Variants in COMMD10 observed in about 807,000 individuals in gnomAD.
The protein encoded by COMMD10 is COMM domain containing 10.
COMMD10 carries 33 observed loss-of-function variants against 28.9 expected under a neutral mutation model. The observed-to-expected ratio is 1.14, with a 90% CI of 0.87 to 1.53. The LOEUF is 1.53. Among genes scored for constraint, COMMD10 ranks in the 40% most tolerant of loss-of-function variants. The pLI is 0.00. For synonymous variants in COMMD10, 110 were observed against 81.7 expected (o/e 1.35, Z -1.87); for missense variants, 310 against 233.4 (o/e 1.33, Z -2.14).
chr5:116,212,515 T>TGG (rs1748993146), intron 5 of COMMD10, among the ~76,000 whole-genome samples: 1 of 148,888 alleles, frequency 6.7e-6, no homozygotes, highest in Non-Finnish European at 1.5e-5. Flanking sequence ...TGTGTGTGTG[T>TGG]GTGTGTGTAG....
chr5:116,236,504 CAAAA>C (rs34066036), intron 5 of COMMD10, among the ~76,000 whole-genome samples: 4 of 79,612 alleles, frequency 5.0e-5, no homozygotes, highest in Non-Finnish European at 2.6e-5. Flanking sequence ...GACTCCGTCT[CAAAA>C]AAAAAAAAAA....
chr5:116,216,337 C>T (rs1252988018), intron 5 of COMMD10, among the ~76,000 whole-genome samples: 1 of 152,118 alleles, frequency 6.6e-6, no homozygotes, highest in African/African-American at 2.4e-5. Flanking sequence ...AGCATGTATA[C>T]AGTACTTATA....
At chr5:116,190,851 A>T (rs1748346465) in intron 5 of COMMD10, among the ~76,000 whole-genome samples, 1 of 152,230 alleles carries the variant, frequency 6.6e-6, no homozygotes, top group Non-Finnish European at 1.5e-5. Context: ...TTAAATTGGT[A>T]GAGTACAAGT....
At chr5:116,111,712 A>G (rs375096176) in intron 4 of COMMD10, among the ~76,000 whole-genome samples, 1 of 152,304 alleles carries the variant, frequency 6.6e-6, no homozygotes, top group African/African-American at 2.4e-5. Flanking sequence ...ATATTGGAGA[A>G]TATCCCATGT....
intron 5 of COMMD10, among the ~76,000 whole-genome samples, chr5:116,245,855 A>G (rs908239646): frequency 3.9e-5 from 6 of 152,096 alleles, no homozygotes; most frequent in African/African-American, 1.2e-4. Flanking sequence ...AGAGTCTTCT[A>G]TGACAAACCC....
chr5:116,166,966 C>T (rs1753141618), intron 5 of COMMD10, among the ~76,000 whole-genome samples: 1 of 152,018 alleles, frequency 6.6e-6, no homozygotes, highest in Non-Finnish European at 1.5e-5. Context: ...CAGTTCCTCA[C>T]CAGCAAGGGA....
chr5:116,121,459 T>C (rs1431772425), intron 4 of COMMD10, among the ~76,000 whole-genome samples: 1 of 152,244 alleles, frequency 6.6e-6, no homozygotes, highest in Non-Finnish European at 1.5e-5. Context: ...CATGTGTCTT[T>C]ATAGTAGCAT....
chr5:116,232,322 T>C (rs916215229), intron 5 of COMMD10, among the ~76,000 whole-genome samples: 12 of 150,762 alleles, frequency 8.0e-5, no homozygotes, highest in African/African-American at 2.7e-4. Context: ...GCACTGCAGA[T>C]ACACAGACTG....
intron 5 of COMMD10, among the ~76,000 whole-genome samples, chr5:116,157,210 A>G (rs1180787472): frequency 6.6e-6 from 1 of 152,224 alleles, no homozygotes; most frequent in Non-Finnish European, 1.5e-5. Context: ...CTCCAAAACC[A>G]ATACTACATA....
intron 5 of COMMD10, among the ~76,000 whole-genome samples, chr5:116,203,728 C>G (rs1024198201): frequency 1.6e-4 from 24 of 151,988 alleles, no homozygotes; most frequent in Admixed American, 5.2e-4. Context: ...CCTAAAAGAG[C>G]TCCTGAAGGA....
intron 5 of COMMD10, among the ~76,000 whole-genome samples, chr5:116,150,008 T>G (rs976260814): frequency 5.5e-4 from 84 of 152,312 alleles, no homozygotes; most frequent in Non-Finnish European, 7.6e-4. Flanking sequence ...TTTAAGTCTT[T>G]AATCCATCTT....
chr5:116,261,328 G>C (rs4921087), intron 5 of COMMD10, among the ~76,000 whole-genome samples: 149,641 of 151,678 alleles, frequency 0.99, 73,894 homozygotes, highest in East Asian at 1. Context: ...GTTGCTATTT[G>C]CTTTTAAGGT....
chr5:116,202,737 G>GT lies in COMMD10; in HGVS notation c.510+68566dup, dbSNP rs1012031295. ...TGCCCACTTTTTGATGGGGTTGTTT[G>GT]TTTTTTTCTTGTAAATTTGTTTGAG... On this transcript the variant is annotated intron_variant, in intron 5 of 6. Transcript: ENST00000274458. 5.7e-4 allele frequency among the ~76,000 whole-genome samples: 85 copies of GT among 149,806 alleles called. 1 individual carries two copies. In the East Asian group the frequency reaches 0.013, roughly 23 times the overall value.
At chr5:116,127,920 T>TATA (rs1303401162) in intron 4 of COMMD10, among the ~76,000 whole-genome samples, 14 of 151,648 alleles carry the variant, frequency 9.2e-5, no homozygotes, top group East Asian at 3.9e-4. Flanking sequence ...GAACTTAAAG[T>TATA]ATAATAATAA....
intron 5 of COMMD10, among the ~76,000 whole-genome samples, chr5:116,151,008 C>T (rs1227205021): frequency 2.0e-5 from 3 of 151,406 alleles, no homozygotes; most frequent in East Asian, 1.9e-4. Flanking sequence ...TCATAGATAG[C>T]TCTTATTATT....
Position 116,151,808 on chromosome 5 carries a change from T to C in COMMD10, c.510+17630T>C, listed in dbSNP as rs374432381. On this transcript the variant is annotated intron_variant, in intron 5 of 6. Transcript: ENST00000274458. ...TTTGTTGATCCTTTCAAAAAACCAGTTCCTGGATTCATTAATTTTTTGAAG... is the reference window on the plus strand; with the variant it reads ...TTTGTTGATCCTTTCAAAAAACCAGCTCCTGGATTCATTAATTTTTTGAAG... Among the ~76,000 whole-genome samples, 53 of 152,128 alleles carry C rather than the reference T, an allele frequency of 3.5e-4. 1 individual carries two copies. The South Asian group carries it at 9.3e-3, about 27-fold the overall frequency.
Position 116,156,015 on chromosome 5 carries a change from T to C in COMMD10, c.510+21837T>C, listed in dbSNP as rs138958034. Among the ~76,000 whole-genome samples, 290 of 152,234 alleles carry C rather than the reference T, an allele frequency of 1.9e-3. 3 individuals carry two copies. The highest frequency in any genetic ancestry group is 6.6e-3 in the African/African-American group (274 of 41,560). On this transcript the variant is annotated intron_variant, in intron 5 of 6. Transcript: ENST00000274458. ...GCTGAGGATTACTATTTGTGGTTTC[T>C]TTTTTCTTCATGTTAATAATAATGT... is the stretch of plus-strand genomic sequence containing the variant.
intron 5 of COMMD10, among the ~76,000 whole-genome samples, chr5:116,239,588 A>G (rs1749761535): frequency 1.3e-5 from 2 of 152,160 alleles, no homozygotes; most frequent in Admixed American, 1.3e-4. Context: ...TTTGCAGGTA[A>G]TGCCAACTTC....
At chr5:116,253,383 A>C (rs1319249442) in intron 5 of COMMD10, among the ~76,000 whole-genome samples, 1 of 150,568 alleles carries the variant, frequency 6.6e-6, no homozygotes, top group Non-Finnish European at 1.5e-5. Flanking sequence ...CTAGTGTTCA[A>C]AGTGAAAGCT....
Sources: gnomAD v4.1 joint callset for allele counts (sites outside exome capture counted in the v4.1 genomes callset) on GRCh38, gnomAD v4.1.1 for gene constraint, MANE v1.5 for transcripts, NCBI Gene and HGNC (gene_info 2026-07-23, HGNC 2026-07-21) for gene names.